ZNF782: variants seen among roughly 807,000 people sequenced by gnomAD.
ZNF782 encodes the protein zinc finger protein 782.
A neutral mutation model predicts 13.0 loss-of-function variants in ZNF782; 12 were observed. The ratio of observed to expected loss-of-function variants is 0.92; its 90% CI spans 0.59 to 1.50. The LOEUF is 1.50. ZNF782 is among the 40% of genes most tolerant of loss of function. The pLI is 0.00. For missense variants in ZNF782, 770 were observed against 822.9 expected, an observed-to-expected ratio of 0.94 and a Z score of 0.79; for synonymous variants, 284 against 283.0, an observed-to-expected ratio of 1.00 and a Z score of -0.04.
chr9:96,853,485 C>T (rs1229982544), intron 1 of ZNF782, among the ~76,000 whole-genome samples: 1 of 152,178 alleles, frequency 6.6e-6, no homozygotes, highest in African/African-American at 2.4e-5. Flanking sequence ...GAGCCTGCGA[C>T]CTGACCTGAG....
the ZNF782 span, among the ~76,000 whole-genome samples, chr9:96,897,235 C>T: frequency 6.6e-6 from 1 of 152,204 alleles, no homozygotes; most frequent in African/African-American, 2.4e-5. Context: ...CTACATTTGC[C>T]TCCAATGGGC....
At chr9:96,863,663 C>T (rs892400396) in intron 1 of ZNF782, among the ~76,000 whole-genome samples, 3 of 152,120 alleles carry the variant, frequency 2.0e-5, no homozygotes, top group Non-Finnish European at 2.9e-5. Context: ...ATATGCACCA[C>T]GGAATACTGC....
chr9:96,852,171 TACG>T (rs113396219), intron 2 of ZNF782, among the ~76,000 whole-genome samples, 166 bp from the exon 3 acceptor site: 11,779 of 152,278 alleles, frequency 0.077, 1,387 homozygotes, highest in African/African-American at 0.26. Flanking sequence ...TGGCACTGTC[TACG>T]ACAACTCTGA....
chr9:96,886,478 GGAGA>G, the ZNF782 span, among the ~76,000 whole-genome samples: 1 of 152,188 alleles, frequency 6.6e-6, no homozygotes, highest in African/African-American at 2.4e-5. Context: ...TTTTAAAAGT[GGAGA>G]GAGTAAAGGG....
the ZNF782 span, among the ~76,000 whole-genome samples, chr9:96,885,022 A>T: frequency 1.3e-5 from 2 of 152,192 alleles, no homozygotes; most frequent in Non-Finnish European, 2.9e-5. Flanking sequence ...AAGCAATTGC[A>T]ATTTTAAAAA....
the ZNF782 span, among the ~76,000 whole-genome samples, chr9:96,905,680 G>A: frequency 6.6e-6 from 1 of 152,080 alleles, no homozygotes; most frequent in East Asian, 1.9e-4. Context: ...CTGCCTCCTG[G>A]GTTCAAGCAA....
At chr9:96,858,591 T>G (rs149740358), upstream of ZNF782, among the ~76,000 whole-genome samples, 1 of 152,320 alleles carries the variant, frequency 6.6e-6, no homozygotes, top group African/African-American at 2.4e-5. The surrounding 1 kb of genome is among the most constrained non-coding windows in gnomAD (Gnocchi z 4.4). Context: ...GCAAAGGCTC[T>G]CAGAGTGCCC....
At chr9:96,925,116 C>T in the ZNF782 span, among the ~76,000 whole-genome samples, 1 of 152,222 alleles carries the variant, frequency 6.6e-6, no homozygotes, top group Non-Finnish European at 1.5e-5. Context: ...CGTCGTCTCC[C>T]TGCCCCGAAC....
intron 5 of ZNF782, among the ~76,000 whole-genome samples, chr9:96,826,538 T>TA (rs1185019464): frequency 6.6e-6 from 1 of 151,984 alleles, no homozygotes; most frequent in South Asian, 2.1e-4. Flanking sequence ...CCCTAAAACT[T>TA]AAAGTATAAT....
chr9:96,887,002 G>C, the ZNF782 span, among the ~76,000 whole-genome samples: 1 of 150,718 alleles, frequency 6.6e-6, no homozygotes, highest in Non-Finnish European at 1.5e-5. Flanking sequence ...GGGAAGAAAT[G>C]AGACATATGA....
chr9:96,914,483 G>C, the ZNF782 span, among the ~76,000 whole-genome samples: 2 of 151,592 alleles, frequency 1.3e-5, no homozygotes, highest in East Asian at 1.9e-4. Flanking sequence ...ATAGATGCTT[G>C]TTACATCTAG....
chr9:96,925,364 G>A, the ZNF782 span, among the ~76,000 whole-genome samples: 17 of 152,154 alleles, frequency 1.1e-4, 1 homozygote, highest in African/African-American at 2.4e-4. Context: ...CTGACCGGGC[G>A]CGGTGGCTCA....
chr9:96,848,377 G>A (rs765384871), intron 3 of ZNF782, among the ~76,000 whole-genome samples: 2 of 152,130 alleles, frequency 1.3e-5, no homozygotes, highest in African/African-American at 2.4e-5. Flanking sequence ...TCAAACTACT[G>A]CTGTTTGTAG....
At chr9:96,910,931 C>G in the ZNF782 span, among the ~76,000 whole-genome samples, 1 of 149,738 alleles carries the variant, frequency 6.7e-6, no homozygotes, top group Non-Finnish European at 1.5e-5. Context: ...CCATCGCGCC[C>G]GGCCTGCTTT....
At chr9:96,826,824 T>G (rs907581450) in intron 5 of ZNF782, among the ~76,000 whole-genome samples, 1 of 152,170 alleles carries the variant, frequency 6.6e-6, no homozygotes, top group African/African-American at 2.4e-5. Flanking sequence ...TGGGCACCAG[T>G]TCTGGGTAGA....
chr9:96,872,321 G>A (rs73546574), intron 1 of ZNF782, among the ~76,000 whole-genome samples: 4,407 of 152,064 alleles, frequency 0.029, 231 homozygotes, highest in African/African-American at 0.1. Context: ...TCAGAAGGTC[G>A]GGAGTTCAAG....
chr9:96,926,769 T>G, the ZNF782 span, among the ~76,000 whole-genome samples: 2 of 151,236 alleles, frequency 1.3e-5, no homozygotes, highest in Non-Finnish European at 2.9e-5. Context: ...GCCTGTTACG[T>G]TTTCTGCAAC....
In ZNF782 at chr9:96,819,891, C is replaced by A. The variant is rs1008484745; in HGVS notation, c.245-113G>T. 8 of 875,732 alleles carry A rather than the reference C, an allele frequency of 9.1e-6. No individual in the cohort carries two copies. In the Middle Eastern group the frequency reaches 1.1e-3, roughly 126 times the overall value. The allele number at this position is 875,732 out of a possible 1,614,324, so 54.2% of individuals were successfully genotyped here. On this transcript the variant is annotated intron_variant, in intron 5 of 5. Coordinates refer to ENST00000481138, the MANE Select transcript of ZNF782 (RefSeq NM_001001662.3). ...GTATTTGATTCCTTAGTTTCTGGCT[C>A]AGTTTCTCAACAATAAAGTAATTTC...
chr9:96,886,551 T>C, the ZNF782 span, among the ~76,000 whole-genome samples: 1 of 152,170 alleles, frequency 6.6e-6, no homozygotes, highest in South Asian at 2.1e-4. Context: ...TCAGTACTAG[T>C]AGACTGTGAT....
Sources: allele counts gnomAD v4.1 joint callset (sites outside exome capture counted in the v4.1 genomes callset), GRCh38; gene constraint gnomAD v4.1.1; non-coding constraint Gnocchi (gnomAD v3.1); transcripts MANE v1.5; gene names NCBI Gene and HGNC (gene_info 2026-07-23, HGNC 2026-07-21).